Variants in GPC6 observed in about 807,000 individuals in gnomAD.
The protein encoded by GPC6 is glypican-6.
Under a neutral mutation model 55.2 loss-of-function variants are expected in GPC6, and 14 were observed. The ratio of observed to expected loss-of-function variants is 0.25; its 90% CI spans 0.17 to 0.40. GPC6 has a LOEUF of 0.40. GPC6 is among the 10% of genes least tolerant of loss of function. GPC6 has a pLI of 1.00. For synonymous variants in GPC6, 278 were observed against 259.6 expected, an observed-to-expected ratio of 1.07 and a Z score of -0.68; for missense variants, 641 against 708.5, an observed-to-expected ratio of 0.90 and a Z score of 1.08.
At chr13:94,144,968 A>G (rs1412216111) in intron 4 of GPC6, among the ~76,000 whole-genome samples, 1 of 152,158 alleles carries the variant, frequency 6.6e-6, no homozygotes, top group Non-Finnish European at 1.5e-5. Flanking sequence ...TATTAACAAA[A>G]CTTTGGAGAC....
chr13:93,909,826 G>T (rs1876868675), intron 3 of GPC6, among the ~76,000 whole-genome samples: 1 of 152,032 alleles, frequency 6.6e-6, no homozygotes, highest in South Asian at 2.1e-4. Context: ...TTTCCAAAAA[G>T]ATATTTTTCG....
intron 3 of GPC6, among the ~76,000 whole-genome samples, chr13:93,944,335 T>G (rs879684748): frequency 1.8e-4 from 28 of 151,820 alleles, no homozygotes; most frequent in Non-Finnish European, 3.4e-4. Context: ...TCCCGAGTAG[T>G]TGGGACTACA....
At chr13:94,146,092 A>T (rs1593984570) in intron 4 of GPC6, among the ~76,000 whole-genome samples, 3 of 152,152 alleles carry the variant, frequency 2.0e-5, no homozygotes, top group Admixed American at 2.0e-4. Flanking sequence ...ATGTTTTCTG[A>T]TATTTCTGCT....
chr13:93,657,140 C>T (rs1216356559), intron 2 of GPC6, among the ~76,000 whole-genome samples: 1 of 151,884 alleles, frequency 6.6e-6, no homozygotes, highest in Non-Finnish European at 1.5e-5. Context: ...CCCAAATAGC[C>T]AAAGCAATCC....
At chr13:93,228,260 C>G (rs905065518) in intron 1 of GPC6, among the ~76,000 whole-genome samples, 18 of 152,172 alleles carry the variant, frequency 1.2e-4, no homozygotes, top group African/African-American at 4.3e-4. Context: ...CTGCCTGTTT[C>G]AGATGTGGGG....
At chr13:94,074,140 A>T (rs1191670604) in intron 4 of GPC6, among the ~76,000 whole-genome samples, 3 of 152,200 alleles carry the variant, frequency 2.0e-5, no homozygotes. Flanking sequence ...TAAAAACATC[A>T]TACTTTATTT....
intron 1 of GPC6, among the ~76,000 whole-genome samples, chr13:93,465,274 T>C (rs1878863605): frequency 6.6e-6 from 1 of 152,228 alleles, no homozygotes; most frequent in Non-Finnish European, 1.5e-5. Flanking sequence ...TCTGAGGCTT[T>C]AAATTCAGTT....
chr13:94,273,904 G>A (rs532850441), intron 4 of GPC6, among the ~76,000 whole-genome samples: 1 of 152,214 alleles, frequency 6.6e-6, no homozygotes, highest in South Asian at 2.1e-4. Flanking sequence ...AGCTACAAAT[G>A]ACATAAAAAC....
intron 4 of GPC6, among the ~76,000 whole-genome samples, chr13:94,063,198 T>C (rs554229455): frequency 2.7e-4 from 41 of 152,310 alleles, no homozygotes; most frequent in African/African-American, 9.4e-4. Context: ...AATGAAATCA[T>C]TTCCCCCTGC....
intron 1 of GPC6, among the ~76,000 whole-genome samples, chr13:93,360,680 G>T (rs1881013122): frequency 6.6e-6 from 1 of 152,202 alleles, no homozygotes; most frequent in South Asian, 2.1e-4. Flanking sequence ...GGTAGTGATG[G>T]TTGGAGTGGG....
chr13:94,152,806 A>AT (rs1427652510), intron 4 of GPC6, among the ~76,000 whole-genome samples: 2 of 152,154 alleles, frequency 1.3e-5, no homozygotes, highest in Non-Finnish European at 2.9e-5. Flanking sequence ...ATAATTTACT[A>AT]TTTTTAAACG....
intron 4 of GPC6, among the ~76,000 whole-genome samples, chr13:94,170,840 A>T (rs1888540852): frequency 6.6e-6 from 1 of 152,190 alleles, no homozygotes; most frequent in African/African-American, 2.4e-5. Flanking sequence ...CATTTAACAA[A>T]GATCCTGGGA....
chr13:93,231,368 T>C (rs1407546057), intron 1 of GPC6, among the ~76,000 whole-genome samples: 1 of 17,998 alleles, frequency 5.6e-5, no homozygotes, highest in East Asian at 2.0e-3. Flanking sequence ...TACGTATATA[T>C]ATATATATAT....
At chr13:93,957,532 A>T (rs535171947) in intron 3 of GPC6, among the ~76,000 whole-genome samples, 2 of 152,268 alleles carry the variant, frequency 1.3e-5, no homozygotes, top group South Asian at 4.1e-4. Context: ...AGCTCCATCC[A>T]TGTTGCTGCA....
intron 6 of GPC6, among the ~76,000 whole-genome samples, chr13:94,359,762 A>G (rs534270121): frequency 6.6e-6 from 1 of 152,228 alleles, no homozygotes; most frequent in Non-Finnish European, 1.5e-5. Context: ...TTCAGATTCC[A>G]GTGTGCTTCC....
intron 1 of GPC6, among the ~76,000 whole-genome samples, chr13:93,528,262 C>T (rs1198550931): frequency 6.6e-6 from 1 of 152,078 alleles, no homozygotes; most frequent in Non-Finnish European, 1.5e-5. Context: ...TGTATATCAC[C>T]CCAGACTCAC....
At chr13:93,868,746 C>A (rs1461709213) in intron 3 of GPC6, among the ~76,000 whole-genome samples, 1 of 151,958 alleles carries the variant, frequency 6.6e-6, no homozygotes, top group Non-Finnish European at 1.5e-5. Flanking sequence ...AGCAGACACA[C>A]CAAACCAAAC....
chr13:93,340,532 G>T (rs1880218026), intron 1 of GPC6, among the ~76,000 whole-genome samples: 1 of 152,176 alleles, frequency 6.6e-6, no homozygotes, highest in Non-Finnish European at 1.5e-5. Flanking sequence ...CTGTGCTAAA[G>T]ATCCGCAGTG....
chr13:93,324,587 C>CATACATATATAT (rs372726538), intron 1 of GPC6, among the ~76,000 whole-genome samples: 9 of 122,894 alleles, frequency 7.3e-5, no homozygotes, highest in East Asian at 3.5e-4. Context: ...CACATACATA[C>CATACATATATAT]ATATATATAT....
Sources: gnomAD v4.1 joint callset for allele counts (sites outside exome capture counted in the v4.1 genomes callset) on GRCh38, gnomAD v4.1.1 for gene constraint, MANE v1.5 for transcripts, NCBI Gene and HGNC (gene_info 2026-07-23, HGNC 2026-07-21) for gene names.